The following CTBP1 variants were observed in gnomAD, a reference collection of about 807,000 sequenced individuals.
CTBP1 encodes the protein C-terminal-binding protein 1.
A neutral mutation model predicts 42.1 loss-of-function variants in CTBP1; 11 were observed. The ratio of observed to expected loss-of-function variants is 0.26; its 90% CI spans 0.16 to 0.43. The LOEUF (loss-of-function observed/expected upper bound fraction) is 0.43, where lower values mean the gene tolerates loss of function less well. CTBP1 is among the 20% of genes least tolerant of loss of function. The probability of loss-of-function intolerance (pLI) is 1.00; values close to 1 mark genes in which losing one functional copy is unlikely to be tolerated. For synonymous variants in CTBP1, 324 were observed against 277.1 expected, an observed-to-expected ratio of 1.17 and a Z score of -1.68; for missense variants, 399 against 624.3, an observed-to-expected ratio of 0.64 and a Z score of 3.85.
chr4:1,241,663 G>T, intron 1 of CTBP1, 144 bp from the exon 2 acceptor site: 1 of 1,306,194 alleles, frequency 7.7e-7, no homozygotes, highest in East Asian at 4.1e-5. Context: ...GGACTCGGGG[G>T]CCTGCTGACA....
At chr4:1,243,634 G>A in intron 1 of CTBP1, 2 of 985,434 alleles carry the variant, frequency 2.0e-6, no homozygotes, top group Non-Finnish European at 2.4e-6. Context: ...TCCGAGTCCT[G>A]GAGCCCTCAC....
intron 3 of CTBP1, chr4:1,236,855 A>G (rs1324176110): frequency 1.6e-6 from 1 of 643,374 alleles, no homozygotes; most frequent in Non-Finnish European, 2.8e-6. Context: ...CCCGGTGTCC[A>G]CCTCCTGATG....
chr4:1,249,506 C>CGCAGCCGCAGCG (rs1733133756), upstream of CTBP1: 1 of 166,318 alleles, frequency 6.0e-6, no homozygotes, highest in East Asian at 1.8e-4. Context: ...CAGCCGCAGC[C>CGCAGCCGCAGCG]GCCCCGCTCC....
chr4:1,237,393 C>T (rs1198240458), intron 3 of CTBP1: 5 of 684,886 alleles, frequency 7.3e-6, no homozygotes, highest in Non-Finnish European at 1.3e-5. Flanking sequence ...TCAGGGAAAA[C>T]CCCGTGTCCA....
intron 3 of CTBP1, among the ~76,000 whole-genome samples, chr4:1,232,651 G>A (rs1041722629): frequency 2.6e-5 from 4 of 152,184 alleles, no homozygotes; most frequent in Non-Finnish European, 5.9e-5. Flanking sequence ...TAATTAAAGT[G>A]ACCTTTTCCT....
upstream of CTBP1, chr4:1,249,869 G>A: frequency 5.0e-6 from 1 of 199,260 alleles, no homozygotes; most frequent in Non-Finnish European, 1.1e-5. Flanking sequence ...TTCCCTTTAA[G>A]CATTAATATC....
At chr4:1,220,655 A>G (rs1187487938) in intron 5 of CTBP1, among the ~76,000 whole-genome samples, 1 of 152,240 alleles carries the variant, frequency 6.6e-6, no homozygotes, top group African/African-American at 2.4e-5. Context: ...AAGGGAAGAA[A>G]AACAGGTCCA....
intron 1 of CTBP1, chr4:1,242,394 A>G (rs1250100): frequency 0.87 from 859,366 of 985,294 alleles, 376,875 homozygotes; most frequent in East Asian, 0.97. Context: ...GCCCAGCAGC[A>G]TGGCAGGCGT....
chr4:1,247,846 C>T (rs1044021243), intron 1 of CTBP1, among the ~76,000 whole-genome samples: 4 of 152,176 alleles, frequency 2.6e-5, no homozygotes, highest in African/African-American at 9.6e-5. Flanking sequence ...CTTGCCCCAA[C>T]TCTCAGGGTT....
In CTBP1 at chr4:1,248,019, A is replaced by G. The variant is rs369370505; in HGVS notation, c.-189+897T>C. ...CTTGGAGGCCGCCAGAGAACGCTCC[A>G]GTCTCGGCCCGGGGCTCAGGCGCAC... On this transcript the variant is annotated intron_variant, in intron 1 of 9. Coordinates refer to ENST00000382952, the MANE Select transcript of CTBP1 (RefSeq NM_001012614.2). 6.2e-4 allele frequency among the ~76,000 whole-genome samples: 94 copies of G among 152,320 alleles called. 1 individual carries two copies. In the South Asian group the frequency reaches 0.018, roughly 29 times the overall value.
intron 1 of CTBP1, chr4:1,242,871 C>A: frequency 1.0e-6 from 1 of 985,406 alleles, no homozygotes; most frequent in East Asian, 1.1e-4. Flanking sequence ...GGCCAGGGGG[C>A]AAGGCACCGC....
rs770417600 is a variant in CTBP1 at position 1,214,426 on chromosome 4, C to T, written c.777G>A (p.Val259=). The change falls in exon 7 of 10, where the codon GTG becomes GTA. Residue 259 remains valine, a synonymous_variant. Coordinates refer to ENST00000382952, the MANE Select transcript of CTBP1 (RefSeq NM_001012614.2). ...FLVNTARGGL[V]DEKALAQALK... is the part of the protein sequence containing the mutation. ...GGGCCTGGGCCAGCGCCTTCTCATCCACCAGGCCACCCCGGGCTGTGTTCA... is the reference window on the plus strand; with the variant it reads ...GGGCCTGGGCCAGCGCCTTCTCATCTACCAGGCCACCCCGGGCTGTGTTCA... 1 of 1,584,854 alleles carries T rather than the reference C, an allele frequency of 6.3e-7. No homozygotes were observed. The highest frequency in any genetic ancestry group is 8.6e-7 in the Non-Finnish European group (1 of 1,168,080).
At chr4:1,237,944 C>T (rs1404977330) in intron 3 of CTBP1, 2 of 706,404 alleles carry the variant, frequency 2.8e-6, no homozygotes, top group Non-Finnish European at 5.1e-6. Context: ...TGATGGGGCA[C>T]AGGGAAAACC....
Position 1,228,181 on chromosome 4 carries a change from A to T in CTBP1, c.307+18T>A, listed in dbSNP as rs1488660798. The T allele has an allele frequency of 6.2e-7, 1 of 1,613,378 alleles. No homozygotes were observed. The highest frequency in any genetic ancestry group is 8.5e-7 in the Non-Finnish European group (1 of 1,179,616). On this transcript the variant is annotated intron_variant, in intron 4 of 9. Transcript: ENST00000382952. ...GCTTGCATGAATGGGCACAGGAGAG[A>T]ACTCGGAGCCGGCCTACCTAAATCC...
rs1731191869 is a variant in CTBP1 at position 1,233,674 on chromosome 4, A to G, written c.162+4509T>C. On this transcript the variant is annotated intron_variant, in intron 3 of 9. Transcript: ENST00000382952. The surrounding 1 kb of genome is among the most constrained non-coding windows in gnomAD (Gnocchi z 4.6). ...GACATCCCCCACCCGTGGTATCAGT[A>G]AAATCCCAGTCCTGAACCTGAACAC... 6.6e-6 allele frequency among the ~76,000 whole-genome samples: 1 copy of G among 152,128 alleles called. No individual in the cohort carries two copies. Among genetic ancestry groups the G allele is most frequent in the African/African-American group, 2.4e-5 (1 of 41,424 alleles).
At chr4:1,214,779 G>A (rs971933660) in intron 6 of CTBP1, among the ~76,000 whole-genome samples, 2 of 152,198 alleles carry the variant, frequency 1.3e-5, no homozygotes, top group Admixed American at 1.3e-4. Flanking sequence ...GTCCCCCTGT[G>A]GTACCCCTTT....
intron 3 of CTBP1, 183 bp downstream of exon 3, chr4:1,238,000 C>A (rs979699247): frequency 1.2e-6 from 1 of 804,714 alleles, no homozygotes; most frequent in Non-Finnish European, 2.1e-6. Context: ...CGATGTCCAC[C>A]TCCTGATGGT....
intron 1 of CTBP1, among the ~76,000 whole-genome samples, chr4:1,247,934 A>C (rs991961060): frequency 2.0e-5 from 3 of 152,238 alleles, no homozygotes; most frequent in African/African-American, 7.2e-5. Context: ...CTGTCCCGGC[A>C]ATCACGGAGA....
At chr4:1,232,336 G>A (rs1731046758) in intron 3 of CTBP1, among the ~76,000 whole-genome samples, 1 of 152,174 alleles carries the variant, frequency 6.6e-6, no homozygotes, top group African/African-American at 2.4e-5. Flanking sequence ...TTTTGAGACA[G>A]AGTCTTGCTC....
Sources: gnomAD v4.1 joint callset for allele counts (sites outside exome capture counted in the v4.1 genomes callset) on GRCh38, gnomAD v4.1.1 for gene constraint, Gnocchi (gnomAD v3.1) non-coding constraint, MANE v1.5 for transcripts, NCBI Gene and HGNC (gene_info 2026-07-23, HGNC 2026-07-21) for gene names.